LINGO2: variants seen among roughly 807,000 people sequenced by gnomAD.
LINGO2 encodes the protein leucine rich repeat and Ig domain containing 2.
In LINGO2, 14 loss-of-function variants were observed where a neutral mutation model predicts 30.6. The ratio of observed to expected loss-of-function variants is 0.46; its 90% confidence interval spans 0.30 to 0.72. LINGO2 has a LOEUF of 0.72. Ranked by LOEUF, LINGO2 falls within the 30% of genes least tolerant of loss-of-function variation. The pLI, the probability that LINGO2 is intolerant of heterozygous loss-of-function variation, is 0.07. For synonymous variants in LINGO2, 317 were observed against 288.5 expected, an observed-to-expected ratio of 1.10 and a Z score of -1.00; for missense variants, 729 against 751.7, an observed-to-expected ratio of 0.97 and a Z score of 0.35.
the LINGO2 span, among the ~76,000 whole-genome samples, chr9:29,106,702 TATTA>T: frequency 6.6e-6 from 1 of 152,196 alleles, no homozygotes; most frequent in South Asian, 2.1e-4. Flanking sequence ...TATTAATAAC[TATTA>T]ATTAAGCCCC....
chr9:29,053,051 T>G, the LINGO2 span, among the ~76,000 whole-genome samples: 1 of 152,190 alleles, frequency 6.6e-6, no homozygotes, highest in Non-Finnish European at 1.5e-5. Flanking sequence ...TATTTCTCTG[T>G]CAATCTTAGT....
chr9:28,848,164 AGTGT>A, the LINGO2 span, among the ~76,000 whole-genome samples: 79 of 86,308 alleles, frequency 9.2e-4, no homozygotes, highest in Non-Finnish European at 1.3e-3. Context: ...ACGCATATAT[AGTGT>A]GTATATATAC....
At chr9:28,752,007 A>G in the LINGO2 span, among the ~76,000 whole-genome samples, 13 of 152,202 alleles carry the variant, frequency 8.5e-5, no homozygotes, top group East Asian at 2.5e-3. Context: ...AGTAAAAACC[A>G]TATTATAATT....
intron 1 of LINGO2, among the ~76,000 whole-genome samples, chr9:28,497,830 G>A (rs1381877690): frequency 6.6e-6 from 1 of 152,112 alleles, no homozygotes; most frequent in Non-Finnish European, 1.5e-5. Flanking sequence ...GTACAGATGG[G>A]GTTTTGGTGT....
intron 4 of LINGO2, among the ~76,000 whole-genome samples, chr9:28,038,057 C>A (rs192675822): frequency 3.9e-4 from 60 of 152,314 alleles, no homozygotes; most frequent in East Asian, 2.5e-3. Context: ...AGCTCTCAAC[C>A]ACCATACCAC....
chr9:28,626,247 A>T (rs1826669349), intron 1 of LINGO2, among the ~76,000 whole-genome samples: 1 of 152,084 alleles, frequency 6.6e-6, no homozygotes, highest in Non-Finnish European at 1.5e-5. Flanking sequence ...AATATTTTAC[A>T]CATTTTCTTA....
At chr9:29,126,018 T>G in the LINGO2 span, among the ~76,000 whole-genome samples, 1 of 152,246 alleles carries the variant, frequency 6.6e-6, no homozygotes, top group African/African-American at 2.4e-5. Flanking sequence ...AATATAACAT[T>G]ACTATTAGAA....
At chr9:29,067,693 G>C in the LINGO2 span, among the ~76,000 whole-genome samples, 1 of 150,396 alleles carries the variant, frequency 6.6e-6, no homozygotes, top group Admixed American at 6.6e-5. Context: ...ATTCAAGAGA[G>C]GCAGGAAGTA....
At chr9:29,156,427 T>C in the LINGO2 span, among the ~76,000 whole-genome samples, 2 of 152,118 alleles carry the variant, frequency 1.3e-5, no homozygotes, top group African/African-American at 4.8e-5. Context: ...AACTCTTTGC[T>C]TTAGGCAAGA....
At chr9:28,804,510 G>T in the LINGO2 span, among the ~76,000 whole-genome samples, 1 of 150,506 alleles carries the variant, frequency 6.6e-6, no homozygotes, top group Non-Finnish European at 1.5e-5. Context: ...TCTCAGTCTG[G>T]TATATTTTTT....
chr9:29,060,939 G>A, the LINGO2 span, among the ~76,000 whole-genome samples: 3 of 151,748 alleles, frequency 2.0e-5, no homozygotes, highest in Admixed American at 6.6e-5. Context: ...CCCAGGATAG[G>A]TAAAATAGAT....
chr9:28,139,683 A>G (rs1339432843), intron 4 of LINGO2, among the ~76,000 whole-genome samples: 1 of 152,234 alleles, frequency 6.6e-6, no homozygotes, highest in Non-Finnish European at 1.5e-5. Context: ...GTTTACAAAA[A>G]TTGCTTATGA....
the LINGO2 span, among the ~76,000 whole-genome samples, chr9:28,915,966 A>G: frequency 6.6e-6 from 1 of 152,180 alleles, no homozygotes; most frequent in Admixed American, 6.5e-5. Context: ...AACTAAAAAT[A>G]AAGTTCTAAG....
the LINGO2 span, among the ~76,000 whole-genome samples, chr9:29,096,549 G>A: frequency 1.4e-5 from 2 of 140,278 alleles, 1 homozygote; most frequent in African/African-American, 5.3e-5. Flanking sequence ...GCCTCCCAAT[G>A]TGCTGGGATT....
the LINGO2 span, among the ~76,000 whole-genome samples, chr9:29,092,249 G>A: frequency 1.3e-5 from 2 of 151,930 alleles, no homozygotes; most frequent in African/African-American, 4.8e-5. Flanking sequence ...TAGAGTCAGG[G>A]CACAGATCAA....
At chr9:27,993,093 G>T (rs892701957) in intron 5 of LINGO2, among the ~76,000 whole-genome samples, 22 of 152,116 alleles carry the variant, frequency 1.4e-4, no homozygotes, top group African/African-American at 5.3e-4. Context: ...TGACTAATAT[G>T]CTAATTTCAC....
chr9:27,971,980 A>G (rs1820376991), intron 5 of LINGO2, among the ~76,000 whole-genome samples: 1 of 152,206 alleles, frequency 6.6e-6, no homozygotes, highest in African/African-American at 2.4e-5. Flanking sequence ...TACTATCCTT[A>G]TAAGATTGAA....
intron 1 of LINGO2, among the ~76,000 whole-genome samples, chr9:28,642,936 A>C (rs1827665335): frequency 6.6e-6 from 1 of 152,160 alleles, no homozygotes; most frequent in South Asian, 2.1e-4. Flanking sequence ...TATGATGAAT[A>C]AATTAACAAA....
At chr9:28,202,245 G>A (rs1002768307) in intron 4 of LINGO2, among the ~76,000 whole-genome samples, 3 of 152,074 alleles carry the variant, frequency 2.0e-5, no homozygotes, top group Non-Finnish European at 2.9e-5. Context: ...ATCAGGATGA[G>A]GGCTTCAATA....
Sources: allele counts gnomAD v4.1 joint callset (sites outside exome capture counted in the v4.1 genomes callset), GRCh38; gene constraint gnomAD v4.1.1; transcripts MANE v1.5; gene names NCBI Gene and HGNC (gene_info 2026-07-23, HGNC 2026-07-21).